Variants in MAST4 observed in about 807,000 individuals in gnomAD.
MAST4 encodes the protein microtubule associated serine/threonine kinase family member 4, also known as microtubule-associated serine/threonine-protein kinase 4.
In MAST4, 89 loss-of-function variants were observed where a neutral mutation model predicts 162.7. That is an observed-to-expected ratio of 0.55 (90% CI 0.46 to 0.65). The LOEUF is 0.65. Ranked by LOEUF, MAST4 falls within the 30% of genes least tolerant of loss-of-function variation. The pLI, the probability that MAST4 is intolerant of heterozygous loss-of-function variation, is 0.00. For synonymous variants in MAST4, 1,479 were observed against 1,361.1 expected (o/e 1.09, Z -1.91); for missense variants, 3,153 against 3,374.0 (o/e 0.93, Z 1.62).
At chr5:66,775,865 G>T (rs770481103) in intron 2 of MAST4, among the ~76,000 whole-genome samples, 7 of 152,112 alleles carry the variant, frequency 4.6e-5, no homozygotes, top group Non-Finnish European at 1.0e-4. Flanking sequence ...TTTTATGATT[G>T]TGCTCTAGGT....
chr5:66,627,749 C>T (rs770639757), intron 1 of MAST4, among the ~76,000 whole-genome samples: 2 of 151,880 alleles, frequency 1.3e-5, no homozygotes, highest in African/African-American at 4.8e-5. Context: ...AAATAGGGAG[C>T]TGTAAAGCTG....
At chr5:66,898,114 C>T (rs1762798707) in intron 3 of MAST4, among the ~76,000 whole-genome samples, 1 of 152,122 alleles carries the variant, frequency 6.6e-6, no homozygotes, top group Admixed American at 6.5e-5. Flanking sequence ...CATTTGGTCT[C>T]TAGGCCTTTG....
chr5:66,815,662 T>TC (rs1349309051), intron 3 of MAST4, among the ~76,000 whole-genome samples: 1 of 152,176 alleles, frequency 6.6e-6, no homozygotes, highest in Non-Finnish European at 1.5e-5. Context: ...ATTTTATTTT[T>TC]CCCCCTAAAG....
At chr5:66,919,049 G>A (rs918780439) in intron 4 of MAST4, among the ~76,000 whole-genome samples, 56 of 150,584 alleles carry the variant, frequency 3.7e-4, no homozygotes, top group Middle Eastern at 3.4e-3. Context: ...GTTGCAGTGA[G>A]CCAAGATCAC....
At chr5:67,160,398 G>T in intron 26 of MAST4, 58 bp from the exon 27 acceptor site, 5 of 1,535,888 alleles carry the variant, frequency 3.3e-6, no homozygotes, top group African/African-American at 1.4e-5. Context: ...TCTCATCTCT[G>T]TTCTGATCTT....
At chr5:66,665,388 C>T (rs1681619034) in intron 1 of MAST4, among the ~76,000 whole-genome samples, 1 of 152,184 alleles carries the variant, frequency 6.6e-6, no homozygotes, top group Non-Finnish European at 1.5e-5. Flanking sequence ...AACATTTCTT[C>T]ATGACCATCT....
chr5:66,932,891 G>A (rs1742326155), intron 4 of MAST4, among the ~76,000 whole-genome samples: 1 of 152,064 alleles, frequency 6.6e-6, no homozygotes, highest in Non-Finnish European at 1.5e-5. Flanking sequence ...GTGAAAATAA[G>A]TCTCAACAAA....
At chr5:67,131,678 A>G (rs1768983943) in intron 15 of MAST4, 135 bp from the exon 16 acceptor site, 2 of 762,072 alleles carry the variant, frequency 2.6e-6, no homozygotes, top group Non-Finnish European at 4.1e-6. Flanking sequence ...AGGTTAACAC[A>G]TAGACTCCAG....
intron 1 of MAST4, among the ~76,000 whole-genome samples, chr5:66,646,390 C>G (rs1470447763): frequency 6.6e-6 from 1 of 152,152 alleles, no homozygotes; most frequent in Non-Finnish European, 1.5e-5. Flanking sequence ...ATTATAGGCT[C>G]TGATTTTAAC....
chr5:66,823,867 T>G (rs1486863941), intron 3 of MAST4, among the ~76,000 whole-genome samples: 1 of 152,216 alleles, frequency 6.6e-6, no homozygotes, highest in Non-Finnish European at 1.5e-5. Flanking sequence ...GGAATTTAAA[T>G]GTAGACACTA....
intron 26 of MAST4, among the ~76,000 whole-genome samples, chr5:67,156,413 CA>C (rs1772543654): frequency 6.6e-6 from 1 of 152,184 alleles, no homozygotes; most frequent in African/African-American, 2.4e-5. Flanking sequence ...CTGCTGTTCA[CA>C]GGGGGAAACA....
At chr5:66,990,205 A>G (rs1291399228) in intron 4 of MAST4, among the ~76,000 whole-genome samples, 1 of 152,232 alleles carries the variant, frequency 6.6e-6, no homozygotes, top group Non-Finnish European at 1.5e-5. Flanking sequence ...TAAATACTTA[A>G]AAAATACTAA....
intron 6 of MAST4, among the ~76,000 whole-genome samples, chr5:67,092,820 C>T (rs1485882441): frequency 6.7e-6 from 1 of 149,898 alleles, no homozygotes; most frequent in Non-Finnish European, 1.5e-5. Flanking sequence ...GAAGTCAGGC[C>T]TACTAAAGAT....
chr5:66,777,779 G>A (rs1262932655), intron 2 of MAST4, among the ~76,000 whole-genome samples: 1 of 152,138 alleles, frequency 6.6e-6, no homozygotes, highest in African/African-American at 2.4e-5. Flanking sequence ...GTTTTAGAAA[G>A]GTGTAGATAA....
At chr5:66,758,408 T>A (rs981116659) in intron 1 of MAST4, among the ~76,000 whole-genome samples, 3 of 151,630 alleles carry the variant, frequency 2.0e-5, no homozygotes, top group African/African-American at 7.3e-5. Flanking sequence ...TATTTCTATT[T>A]ATTTAATTAT....
chr5:67,053,917 T>C (rs1758480495), intron 4 of MAST4, among the ~76,000 whole-genome samples: 1 of 152,216 alleles, frequency 6.6e-6, no homozygotes, highest in Non-Finnish European at 1.5e-5. Flanking sequence ...GTGAGACACA[T>C]TTATCTTAGG....
chr5:66,694,509 T>C (rs911830218), intron 1 of MAST4, among the ~76,000 whole-genome samples: 1 of 152,158 alleles, frequency 6.6e-6, no homozygotes, highest in South Asian at 2.1e-4. Flanking sequence ...TTTTTTGAGT[T>C]GGAATCTCGC....
chr5:66,794,756 G>C (rs1755569370), intron 3 of MAST4, among the ~76,000 whole-genome samples: 1 of 152,096 alleles, frequency 6.6e-6, no homozygotes. Flanking sequence ...AGGTTAAGTG[G>C]CTTAATTTTA....
chr5:66,598,875 A>T (rs757582627), intron 1 of MAST4, among the ~76,000 whole-genome samples: 3 of 152,186 alleles, frequency 2.0e-5, no homozygotes. Flanking sequence ...TCAGGGTGAC[A>T]GTGCTTTGCT....
Sources: gnomAD v4.1 joint callset for allele counts (sites outside exome capture counted in the v4.1 genomes callset) on GRCh38, gnomAD v4.1.1 for gene constraint, MANE v1.5 for transcripts, NCBI Gene and HGNC (gene_info 2026-07-23, HGNC 2026-07-21) for gene names.